PLEKHH2: variants seen among roughly 807,000 people sequenced by gnomAD.
The protein encoded by PLEKHH2 is pleckstrin homology, MyTH4 and FERM domain containing H2.
PLEKHH2 carries 129 observed loss-of-function variants against 187.9 expected under a neutral mutation model. The ratio of observed to expected loss-of-function variants is 0.69; its 90% confidence interval spans 0.59 to 0.79. The LOEUF (loss-of-function observed/expected upper bound fraction) is 0.79, where lower values mean the gene tolerates loss of function less well. Among genes scored for constraint, PLEKHH2 ranks in the 30% least tolerant of loss-of-function variants. The pLI is 0.00. For synonymous variants in PLEKHH2, 686 were observed against 605.6 expected, an observed-to-expected ratio of 1.13 and a Z score of -1.95; for missense variants, 2,076 against 1,751.2, an observed-to-expected ratio of 1.19 and a Z score of -3.31.
chr2:43,739,785 T>C (rs1671477850), intron 20 of PLEKHH2, among the ~76,000 whole-genome samples: 2 of 152,220 alleles, frequency 1.3e-5, no homozygotes, highest in African/African-American at 4.8e-5. Flanking sequence ...CTTTGCAATA[T>C]TCTCCACCAT....
At chr2:43,652,206 G>C (rs780114698) in intron 2 of PLEKHH2, among the ~76,000 whole-genome samples, 1 of 152,164 alleles carries the variant, frequency 6.6e-6, no homozygotes, top group East Asian at 1.9e-4. Flanking sequence ...TTAGTTGCTA[G>C]ACATTTGGCA....
intron 1 of PLEKHH2, among the ~76,000 whole-genome samples, chr2:43,643,110 G>A (rs1204762792): frequency 6.6e-6 from 1 of 152,102 alleles, no homozygotes; most frequent in Admixed American, 6.5e-5. Flanking sequence ...TCGACAAACT[G>A]CATTATCTAC....
chr2:43,649,827 C>A (rs1257123297), intron 2 of PLEKHH2, among the ~76,000 whole-genome samples: 5 of 152,192 alleles, frequency 3.3e-5, no homozygotes, highest in Non-Finnish European at 5.9e-5. Flanking sequence ...TGGCAGGGAA[C>A]TGCTGTCCAC....
chr2:43,676,373 G>C, intron 2 of PLEKHH2: 11 of 1,445,154 alleles, frequency 7.6e-6, no homozygotes, highest in Non-Finnish European at 1.0e-5. Context: ...CTGGGACCGG[G>C]TCCTGGGGTC....
intron 23 of PLEKHH2, 168 bp downstream of exon 23, chr2:43,744,157 A>G (rs2104600971): frequency 7.4e-7 from 1 of 1,350,320 alleles, no homozygotes; most frequent in Non-Finnish European, 9.7e-7. Flanking sequence ...TTAAACCCAT[A>G]GAATTCTTAA....
At chr2:43,704,153 A>C (rs1422351261) in intron 9 of PLEKHH2, 97 bp downstream of exon 9, 2 of 818,730 alleles carry the variant, frequency 2.4e-6, no homozygotes, top group East Asian at 5.2e-5. Context: ...CAAAAAGACA[A>C]ATACTGTATG....
intron 6 of PLEKHH2, 50 bp downstream of exon 6, chr2:43,695,274 G>A: frequency 1.9e-6 from 2 of 1,047,966 alleles, no homozygotes; most frequent in Non-Finnish European, 2.7e-6. Flanking sequence ...TGACTATATA[G>A]GCTTTTACTT....
At chr2:43,759,630 T>C (rs1209858466) in intron 27 of PLEKHH2, among the ~76,000 whole-genome samples, 3 of 152,230 alleles carry the variant, frequency 2.0e-5, no homozygotes, top group Non-Finnish European at 4.4e-5. Context: ...CATGTCTCTT[T>C]GTACTTTCTC....
At position 43,712,217 on chromosome 2, in the gene PLEKHH2, C is replaced by T. The variant is rs369802349; in HGVS notation, c.2302-8C>T. On this transcript the variant is annotated splice_region_variant and splice_polypyrimidine_tract_variant and intron_variant, in intron 14 of 29. Transcript: ENST00000282406. ...TTTCTTTCCTATACCTTTCTCGTTG[C>T]ATTCTAGTTGACCACTGAAAAACAC... The T allele has an allele frequency of 3.7e-6, 6 of 1,610,756 alleles. No individual in the cohort carries two copies. The African/African-American group carries it at 8.0e-5, about 22-fold the overall frequency.
intron 8 of PLEKHH2, among the ~76,000 whole-genome samples, chr2:43,702,721 GT>G (rs1352548207): frequency 1.3e-5 from 2 of 151,922 alleles, no homozygotes; most frequent in Non-Finnish European, 2.9e-5. Context: ...ATAAATATGA[GT>G]TTATTTTAAA....
intron 2 of PLEKHH2, among the ~76,000 whole-genome samples, chr2:43,677,121 A>G (rs1162979708): frequency 1.3e-5 from 2 of 152,232 alleles, no homozygotes; most frequent in Non-Finnish European, 2.9e-5. Context: ...TAAATATGCA[A>G]AGAGCCTTTA....
At position 43,683,871 on chromosome 2, in the gene PLEKHH2, G is replaced by T. The variant is rs559555547; in HGVS notation, c.186+4946G>T. On this transcript the variant is annotated intron_variant, in intron 3 of 29. Transcript: ENST00000282406. ...GGAGGTTATTGCTTTTTTAAAAACAGACTTTAATTTTTAGAGCAGTTTCAG... is the reference window on the plus strand; with the variant it reads ...GGAGGTTATTGCTTTTTTAAAAACATACTTTAATTTTTAGAGCAGTTTCAG... Among the ~76,000 whole-genome samples, 18 of 151,952 alleles carry T rather than the reference G, an allele frequency of 1.2e-4. No individual in the cohort carries two copies. In the East Asian group the frequency reaches 3.5e-3, roughly 29 times the overall value.
intron 2 of PLEKHH2, among the ~76,000 whole-genome samples, chr2:43,645,532 C>A (rs1217347411): frequency 2.0e-5 from 3 of 152,066 alleles, no homozygotes; most frequent in East Asian, 3.9e-4. Context: ...TTCAACACTT[C>A]AGATAAGGCT....
At position 43,720,472 on chromosome 2, in the gene PLEKHH2, A is replaced by G. The variant is rs145754972; in HGVS notation, c.2461-197A>G. Among the ~76,000 whole-genome samples the G allele has an allele frequency of 7.7e-4, 117 of 152,214 alleles. 1 individual carries two copies. The highest frequency in any genetic ancestry group is 1.2e-3 in the Non-Finnish European group (85 of 68,012). On this transcript the variant is annotated intron_variant, in intron 15 of 29. Coordinates refer to ENST00000282406, the MANE Select transcript of PLEKHH2 (RefSeq NM_172069.4). ...TCTACCCTGCTAGTCCACAGTGTCT[A>G]TTGTTTCCCTATTTATGTCCATGTG...
intron 3 of PLEKHH2, among the ~76,000 whole-genome samples, chr2:43,690,067 G>A (rs1668718697): frequency 1.3e-5 from 2 of 152,186 alleles, no homozygotes; most frequent in Non-Finnish European, 2.9e-5. Context: ...GCCCAGAGGA[G>A]AACTATCATT....
chr2:43,645,011 G>A (rs1435269568), intron 2 of PLEKHH2, among the ~76,000 whole-genome samples: 2 of 152,104 alleles, frequency 1.3e-5, no homozygotes, highest in Non-Finnish European at 2.9e-5. Context: ...TGAGAACCGT[G>A]TATGTTTGGT....
chr2:43,694,352 G>A lies in PLEKHH2; in HGVS notation c.337-79G>A, dbSNP rs572014079. ...TTGGAATCAAGTTTTAAGTGGATAT[G>A]CCTTGTATATTTATGGTAAAACATT... On this transcript the variant is annotated intron_variant, in intron 4 of 29. Coordinates refer to ENST00000282406, the MANE Select transcript of PLEKHH2 (RefSeq NM_172069.4). 1.8e-5 allele frequency: 26 copies of A among 1,431,404 alleles called. No individual in the cohort carries two copies. In the East Asian group the frequency reaches 1.9e-4, roughly 10 times the overall value. 88.7% of individuals were successfully genotyped at this position (1,431,404 alleles called of 1,614,324 possible).
At position 43,657,394 on chromosome 2, in the gene PLEKHH2, C is replaced by G. The variant is rs138942229; in HGVS notation, c.123+12598C>G. 3.2e-4 allele frequency among the ~76,000 whole-genome samples: 49 copies of G among 152,292 alleles called. 1 individual carries two copies. The East Asian group carries it at 9.1e-3, about 28-fold the overall frequency. ...CTGGGAGTGGTGAAACAACTGGAAA[C>G]TATCTGAGCCACCCTACTAAACCGC... On this transcript the variant is annotated intron_variant, in intron 2 of 29. Coordinates refer to ENST00000282406, the MANE Select transcript of PLEKHH2 (RefSeq NM_172069.4).
chr2:43,763,345 G>T (rs971550774), intron 28 of PLEKHH2, among the ~76,000 whole-genome samples: 4 of 152,140 alleles, frequency 2.6e-5, no homozygotes, highest in Middle Eastern at 3.2e-3. Context: ...GCTCAGTCTT[G>T]CAAGGTAATC....
Sources: allele counts gnomAD v4.1 joint callset (sites outside exome capture counted in the v4.1 genomes callset), GRCh38; gene constraint gnomAD v4.1.1; transcripts MANE v1.5; gene names NCBI Gene and HGNC (gene_info 2026-07-23, HGNC 2026-07-21).